SDK1: variants seen among roughly 807,000 people sequenced by gnomAD.
SDK1 encodes the protein sidekick cell adhesion molecule 1.
A neutral mutation model predicts 245.5 loss-of-function variants in SDK1; 157 were observed. The ratio of observed to expected loss-of-function variants is 0.64; its 90% CI spans 0.56 to 0.73. The LOEUF (loss-of-function observed/expected upper bound fraction) is 0.73, where lower values mean the gene tolerates loss of function less well. Ranked by LOEUF, SDK1 falls within the 30% of genes least tolerant of loss-of-function variation. The pLI, the probability that SDK1 is intolerant of heterozygous loss-of-function variation, is 0.00. For missense variants in SDK1, 3,583 were observed against 3,002.3 expected (o/e 1.19, Z -4.52); for synonymous variants, 1,647 against 1,278.5 (o/e 1.29, Z -6.15).
intron 1 of SDK1, among the ~76,000 whole-genome samples, chr7:3,413,957 A>T (rs987631869): frequency 2.0e-5 from 3 of 152,160 alleles, no homozygotes; most frequent in Non-Finnish European, 4.4e-5. Flanking sequence ...TGGGTGATGG[A>T]TGAGACCCTA....
intron 22 of SDK1, among the ~76,000 whole-genome samples, chr7:4,093,526 T>G (rs1781938970): frequency 6.6e-6 from 1 of 151,656 alleles, no homozygotes. Context: ...AGCCATTTTC[T>G]TAGAAGAAAC....
intron 1 of SDK1, among the ~76,000 whole-genome samples, chr7:3,396,061 A>AT (rs777805922): frequency 1.3e-5 from 2 of 150,778 alleles, no homozygotes; most frequent in Non-Finnish European, 3.0e-5. Flanking sequence ...TTGATTTGAG[A>AT]TTTTTTTCTT....
intron 44 of SDK1, among the ~76,000 whole-genome samples, chr7:4,257,299 G>C (rs1056882064): frequency 6.6e-6 from 1 of 152,076 alleles, no homozygotes; most frequent in Admixed American, 6.6e-5. Context: ...TCTCGCAGTC[G>C]GTCTGATACT....
intron 25 of SDK1, among the ~76,000 whole-genome samples, chr7:4,117,710 G>T (rs569766900): frequency 6.6e-6 from 1 of 152,286 alleles, no homozygotes; most frequent in South Asian, 2.1e-4. Context: ...GTGGGCACCA[G>T]CACGCATCCA....
rs554525139 is a variant in SDK1 at position 3,754,309 on chromosome 7, A to T, written c.714-67141A>T. The stretch of plus-strand genomic sequence containing the variant: ...CACCCTTCAGCAAATTTTGCTTGGT[A>T]TTGTTTTGTCAAGATAATTTAATTT... On this transcript the variant is annotated intron_variant, in intron 4 of 44. Transcript: ENST00000404826. Among the ~76,000 whole-genome samples, 47 of 152,310 alleles carry T rather than the reference A, an allele frequency of 3.1e-4. 1 individual carries two copies. The South Asian group carries it at 9.5e-3, about 31-fold the overall frequency.
intron 1 of SDK1, among the ~76,000 whole-genome samples, chr7:3,542,793 G>C (rs76164477): frequency 0.028 from 4,192 of 152,136 alleles, 186 homozygotes; most frequent in African/African-American, 0.091. Context: ...GCTCTAAAAA[G>C]GGCTTCTTTC....
chr7:4,248,349 C>T (rs1562479249), intron 44 of SDK1, among the ~76,000 whole-genome samples: 1 of 151,842 alleles, frequency 6.6e-6, no homozygotes, highest in Non-Finnish European at 1.5e-5. Context: ...AATACATGCA[C>T]ACACACGTTT....
At chr7:3,442,563 C>G (rs1477729654) in intron 1 of SDK1, among the ~76,000 whole-genome samples, 1 of 152,182 alleles carries the variant, frequency 6.6e-6, no homozygotes, top group Non-Finnish European at 1.5e-5. Flanking sequence ...ATGAAGTCAA[C>G]CTGCCTGAGT....
At chr7:3,442,050 C>A (rs1392484890) in intron 1 of SDK1, among the ~76,000 whole-genome samples, 1 of 152,142 alleles carries the variant, frequency 6.6e-6, no homozygotes, top group East Asian at 1.9e-4. Flanking sequence ...GTGTACTCAC[C>A]TAGCCTGCTG....
intron 5 of SDK1, among the ~76,000 whole-genome samples, chr7:3,825,087 G>A (rs1468517445): frequency 2.0e-5 from 3 of 152,056 alleles, no homozygotes; most frequent in Non-Finnish European, 4.4e-5. Flanking sequence ...GACTGTTGAA[G>A]CATCCTGCAT....
rs367832266 is a variant in SDK1 at position 4,065,728 on chromosome 7, T to C, written c.2912-2110T>C. 2.5e-3 allele frequency among the ~76,000 whole-genome samples: 337 copies of C among 136,994 alleles called. 6 individuals carry two copies. Among genetic ancestry groups the C allele is most frequent in the Non-Finnish European group, 4.0e-3 (254 of 64,100 alleles). 89.9% of individuals were successfully genotyped at this position (136,994 alleles called of 152,430 possible). A position where few individuals can be genotyped will look rare whatever the true frequency, so the allele number is the denominator to read the frequency against. ...TTTTTTTTTTTTTTTTTTTTTTTTTTTGAGGCTGTTACCATTTTAAAAAAA... is the reference window on the plus strand; with the variant it reads ...TTTTTTTTTTTTTTTTTTTTTTTTTCTGAGGCTGTTACCATTTTAAAAAAA... On this transcript the variant is annotated intron_variant, in intron 19 of 44. Coordinates refer to ENST00000404826, the MANE Select transcript of SDK1 (RefSeq NM_152744.4).
chr7:3,644,786 A>AAAAC (rs1782771014), intron 4 of SDK1, among the ~76,000 whole-genome samples: 1 of 141,082 alleles, frequency 7.1e-6, no homozygotes, highest in African/African-American at 2.6e-5. Context: ...AAAAAAAAAA[A>AAAAC]AAAAAACAAA....
chr7:3,756,564 T>C (rs1430149742), intron 4 of SDK1, among the ~76,000 whole-genome samples: 1 of 152,182 alleles, frequency 6.6e-6, no homozygotes, highest in East Asian at 1.9e-4. Context: ...CTTTTTTTTT[T>C]TTAAAGAAAA....
At chr7:3,741,971 C>A (rs902435802) in intron 4 of SDK1, among the ~76,000 whole-genome samples, 1 of 133,716 alleles carries the variant, frequency 7.5e-6, no homozygotes, top group African/African-American at 3.0e-5. Flanking sequence ...AATTTGTGTT[C>A]CCATATTGTA....
chr7:3,817,487 C>G (rs1779538603), intron 4 of SDK1, among the ~76,000 whole-genome samples: 1 of 152,222 alleles, frequency 6.6e-6, no homozygotes, highest in African/African-American at 2.4e-5. Context: ...TATACTCTTA[C>G]TCTTCCTTCC....
intron 4 of SDK1, among the ~76,000 whole-genome samples, chr7:3,687,019 T>C (rs1459351992): frequency 6.8e-6 from 1 of 146,648 alleles, no homozygotes; most frequent in East Asian, 2.0e-4. Flanking sequence ...GAGTGGCTTC[T>C]AGCCAGAATC....
rs180790159 is a variant in SDK1 at position 4,260,922 on chromosome 7, C to G, written c.6382-4202C>G. Reference sequence around the variant, plus strand: ...GGTGTGTGTGGGAAGATGTGTCTTACGTCTGCAATTCTCCTAAATGCAGAG... The same window carrying G: ...GGTGTGTGTGGGAAGATGTGTCTTAGGTCTGCAATTCTCCTAAATGCAGAG... On this transcript the variant is annotated intron_variant, in intron 44 of 44. Coordinates refer to ENST00000404826, the MANE Select transcript of SDK1 (RefSeq NM_152744.4). Among the ~76,000 whole-genome samples the G allele has an allele frequency of 5.1e-3, 779 of 152,226 alleles. 11 individuals carry two copies. The highest frequency in any genetic ancestry group is 0.018 in the African/African-American group (733 of 41,466).
chr7:4,122,743 GT>G (rs1484766048), intron 25 of SDK1, among the ~76,000 whole-genome samples: 1 of 152,152 alleles, frequency 6.6e-6, no homozygotes, highest in African/African-American at 2.4e-5. Context: ...GAATGGCTTT[GT>G]TTTTAATGAA....
At chr7:3,848,397 A>G (rs1780334204) in intron 5 of SDK1, among the ~76,000 whole-genome samples, 1 of 152,150 alleles carries the variant, frequency 6.6e-6, no homozygotes, top group African/African-American at 2.4e-5. Context: ...CGTCCTTCAG[A>G]TGCAGGATGA....
Sources: gnomAD v4.1 joint callset for allele counts (sites outside exome capture counted in the v4.1 genomes callset) on GRCh38, gnomAD v4.1.1 for gene constraint, MANE v1.5 for transcripts, NCBI Gene and HGNC (gene_info 2026-07-23, HGNC 2026-07-21) for gene names.